Variants in DNER observed in about 807,000 individuals in gnomAD.
The protein encoded by DNER is delta/notch like EGF repeat containing.
A neutral mutation model predicts 78.2 loss-of-function variants in DNER; 33 were observed. The ratio of observed to expected loss-of-function variants is 0.42; its 90% CI spans 0.32 to 0.56. DNER has a LOEUF of 0.56. Among genes scored for constraint, DNER ranks in the 20% least tolerant of loss-of-function variants. The pLI is 0.11. For missense variants in DNER, 918 were observed against 975.3 expected (o/e 0.94, Z 0.78); for synonymous variants, 417 against 384.8 (o/e 1.08, Z -0.98).
intron 1 of DNER, among the ~76,000 whole-genome samples, chr2:229,665,767 A>C (rs775795348): frequency 6.6e-6 from 1 of 152,200 alleles, no homozygotes; most frequent in Non-Finnish European, 1.5e-5. Context: ...CCATCTTTGC[A>C]TAGGGAAGAA....
intron 6 of DNER, among the ~76,000 whole-genome samples, chr2:229,506,764 C>T (rs1380153911): frequency 1.3e-5 from 2 of 150,160 alleles, no homozygotes; most frequent in South Asian, 2.1e-4. Flanking sequence ...TGAGAACATG[C>T]GGTGTTTGGT....
intron 6 of DNER, among the ~76,000 whole-genome samples, chr2:229,485,874 T>C (rs1574864504): frequency 6.6e-6 from 1 of 152,192 alleles, no homozygotes; most frequent in Non-Finnish European, 1.5e-5. Flanking sequence ...GTCTAATTGT[T>C]TCTTTGGAGA....
rs574140976 is a variant in DNER, at chr2:229,533,208, A to G, written c.993+13739T>C. 5.4e-4 allele frequency among the ~76,000 whole-genome samples: 82 copies of G among 152,360 alleles called. 1 individual carries two copies. Among genetic ancestry groups the G allele is most frequent in the African/African-American group, 1.9e-3 (81 of 41,578 alleles). ...AATCTAGAAGAAAAGGGTTAGAGGCATGGCCTGAACCAGAACAGAGGATCT... is the reference window on the plus strand; with the variant it reads ...AATCTAGAAGAAAAGGGTTAGAGGCGTGGCCTGAACCAGAACAGAGGATCT... On this transcript the variant is annotated intron_variant, in intron 5 of 12. Transcript: ENST00000341772.
intron 1 of DNER, among the ~76,000 whole-genome samples, chr2:229,695,446 ACAGGATGGTCTT>A (rs141030244): frequency 5.3e-5 from 8 of 151,000 alleles, no homozygotes; most frequent in African/African-American, 2.0e-4. Context: ...TGCCTCCCCC[ACAGGATGGTCTT>A]CAGTGTTTGC....
At chr2:229,414,026 C>T (rs1693590645) in intron 9 of DNER, among the ~76,000 whole-genome samples, 1 of 151,702 alleles carries the variant, frequency 6.6e-6, no homozygotes, top group Non-Finnish European at 1.5e-5. Context: ...AATGTCCATC[C>T]CCCCACGGAG....
At chr2:229,545,658 CA>C (rs1696614447) in intron 5 of DNER, among the ~76,000 whole-genome samples, 2 of 152,304 alleles carry the variant, frequency 1.3e-5, no homozygotes, top group South Asian at 4.1e-4. Flanking sequence ...ATCTGACTCC[CA>C]AACTGCTGCC....
chr2:229,695,121 T>A (rs1468825000), intron 1 of DNER, among the ~76,000 whole-genome samples: 5 of 152,216 alleles, frequency 3.3e-5, no homozygotes, highest in Admixed American at 3.3e-4. Flanking sequence ...AATGAGGACA[T>A]GTTTGCTTCC....
At chr2:229,664,864 T>C (rs1027677577) in intron 1 of DNER, among the ~76,000 whole-genome samples, 2 of 152,152 alleles carry the variant, frequency 1.3e-5, no homozygotes, top group African/African-American at 4.8e-5. Context: ...CTGAGGCCAC[T>C]GTGCTATGAA....
chr2:229,642,395 C>G (rs866998960), intron 1 of DNER, among the ~76,000 whole-genome samples: 1 of 152,194 alleles, frequency 6.6e-6, no homozygotes, highest in Admixed American at 6.5e-5. Context: ...CATCAATTCC[C>G]CCTGCAGTGA....
At chr2:229,668,498 A>C (rs1699138683) in intron 1 of DNER, among the ~76,000 whole-genome samples, 1 of 138,204 alleles carries the variant, frequency 7.2e-6, no homozygotes, top group African/African-American at 2.8e-5. Context: ...ATATATACTT[A>C]CCTATATATA....
chr2:229,639,045 G>A (rs1170200989), intron 1 of DNER, among the ~76,000 whole-genome samples: 1 of 152,144 alleles, frequency 6.6e-6, no homozygotes, highest in Non-Finnish European at 1.5e-5. Flanking sequence ...TTTTCTGAAT[G>A]GCAGTGTCTG....
At chr2:229,708,795 C>T (rs1699866742) in intron 1 of DNER, among the ~76,000 whole-genome samples, 1 of 152,150 alleles carries the variant, frequency 6.6e-6, no homozygotes, top group Non-Finnish European at 1.5e-5. Flanking sequence ...AGAGTGATGC[C>T]TCCTAAGAAT....
At chr2:229,607,310 C>A (rs1697958389) in intron 1 of DNER, among the ~76,000 whole-genome samples, 1 of 152,164 alleles carries the variant, frequency 6.6e-6, no homozygotes, top group Admixed American at 6.5e-5. Flanking sequence ...TATGCTATAT[C>A]TGGCATGGTT....
chr2:229,686,554 C>T (rs1559209289), intron 1 of DNER, among the ~76,000 whole-genome samples: 1 of 152,176 alleles, frequency 6.6e-6, no homozygotes, highest in African/African-American at 2.4e-5. Context: ...GACTCCAGCC[C>T]TCCCTCAGGG....
At chr2:229,404,892 T>C (rs1416453950) in intron 10 of DNER, among the ~76,000 whole-genome samples, 1 of 151,178 alleles carries the variant, frequency 6.6e-6, no homozygotes, top group African/African-American at 2.4e-5. Context: ...TCTTTCAGCA[T>C]GAAACACGAA....
At chr2:229,614,269 T>C (rs1698111215) in intron 1 of DNER, among the ~76,000 whole-genome samples, 1 of 152,112 alleles carries the variant, frequency 6.6e-6, no homozygotes, top group Non-Finnish European at 1.5e-5. Context: ...AAGGACATCA[T>C]GGCACAGACA....
At chr2:229,686,518 G>C (rs902616490) in intron 1 of DNER, among the ~76,000 whole-genome samples, 1 of 152,162 alleles carries the variant, frequency 6.6e-6, no homozygotes, top group African/African-American at 2.4e-5. Flanking sequence ...AAACCCCAGA[G>C]ACTTTATGGG....
chr2:229,413,596 C>T (rs1162323076), intron 9 of DNER, among the ~76,000 whole-genome samples: 1 of 151,646 alleles, frequency 6.6e-6, no homozygotes, highest in Admixed American at 6.6e-5. Flanking sequence ...GCTAGGATTA[C>T]AGGTGTGAGC....
chr2:229,605,425 C>G (rs1158220707), intron 1 of DNER, among the ~76,000 whole-genome samples: 1 of 152,190 alleles, frequency 6.6e-6, no homozygotes, highest in Admixed American at 6.5e-5. Context: ...TTTGAAGACA[C>G]TCTACAGTAC....
Sources: gnomAD v4.1 joint callset for allele counts (sites outside exome capture counted in the v4.1 genomes callset) on GRCh38, gnomAD v4.1.1 for gene constraint, MANE v1.5 for transcripts, NCBI Gene and HGNC (gene_info 2026-07-23, HGNC 2026-07-21) for gene names.